KDM2A: variants seen among roughly 807,000 people sequenced by gnomAD.
KDM2A encodes the protein lysine demethylase 2A.
Under a neutral mutation model 137.3 loss-of-function variants are expected in KDM2A, and 3 were observed. That is an observed-to-expected ratio of 0.02 (90% CI 0.01 to 0.06). The LOEUF is 0.06. KDM2A is among the 10% of genes least tolerant of loss of function. The probability of loss-of-function intolerance (pLI) is 1.00; values close to 1 mark genes in which losing one functional copy is unlikely to be tolerated. For synonymous variants in KDM2A, 512 were observed against 541.5 expected (o/e 0.95, Z 0.76); for missense variants, 738 against 1,510.6 (o/e 0.49, Z 8.48).
intron 2 of KDM2A, among the ~76,000 whole-genome samples, chr11:67,133,238 T>C (rs750873285): frequency 5.9e-5 from 9 of 152,140 alleles, no homozygotes; most frequent in Non-Finnish European, 1.0e-4. Flanking sequence ...TAGCTGGGAT[T>C]ACAGGCGTGC....
intron 11 of KDM2A, among the ~76,000 whole-genome samples, chr11:67,230,646 TAA>T (rs577660484): frequency 7.3e-6 from 1 of 136,624 alleles, no homozygotes. Flanking sequence ...AACCACAACA[TAA>T]AAAAAAAAAA....
intron 12 of KDM2A, among the ~76,000 whole-genome samples, chr11:67,239,718 A>G (rs574983888): frequency 1.3e-5 from 2 of 152,268 alleles, no homozygotes; most frequent in Admixed American, 1.3e-4. Context: ...CCCTGAGGGG[A>G]AGGGTGTGGA....
chr11:67,124,283 T>C (rs1456053811), intron 2 of KDM2A, among the ~76,000 whole-genome samples: 2 of 151,942 alleles, frequency 1.3e-5, no homozygotes, highest in Admixed American at 1.3e-4. Context: ...GGATTACAGG[T>C]GTGAGCCACC....
intron 5 of KDM2A, among the ~76,000 whole-genome samples, chr11:67,192,881 C>T (rs1857390845): frequency 6.6e-6 from 1 of 152,162 alleles, no homozygotes; most frequent in Non-Finnish European, 1.5e-5. Context: ...AATTCCTCTC[C>T]AAAGTGATTG....
At chr11:67,194,564 A>T (rs988274476) in intron 5 of KDM2A, among the ~76,000 whole-genome samples, 2 of 152,228 alleles carry the variant, frequency 1.3e-5, no homozygotes, top group Non-Finnish European at 2.9e-5. Flanking sequence ...AAAAAACACC[A>T]CAAAAGCAAT....
chr11:67,128,184 C>A (rs763956183), intron 2 of KDM2A, among the ~76,000 whole-genome samples: 1 of 151,622 alleles, frequency 6.6e-6, no homozygotes, highest in African/African-American at 2.4e-5. Flanking sequence ...TAAATTCTTT[C>A]TAGAGACAGG....
chr11:67,157,237 C>G (rs1056415810), intron 2 of KDM2A, among the ~76,000 whole-genome samples: 8 of 143,608 alleles, frequency 5.6e-5, no homozygotes, highest in African/African-American at 1.8e-4. Flanking sequence ...GGCATGAACC[C>G]GGGAGGCGGA....
At chr11:67,151,468 C>A (rs903594723) in intron 2 of KDM2A, among the ~76,000 whole-genome samples, 2 of 152,052 alleles carry the variant, frequency 1.3e-5, no homozygotes, top group Admixed American at 6.6e-5. Flanking sequence ...GCACCTTCCG[C>A]CTCCCGAATA....
At chr11:67,203,279 T>C (rs1367310795) in intron 5 of KDM2A, among the ~76,000 whole-genome samples, 3 of 151,770 alleles carry the variant, frequency 2.0e-5, no homozygotes, top group Non-Finnish European at 4.4e-5. Context: ...TGTAAATATA[T>C]GCACTGTGAA....
intron 2 of KDM2A, among the ~76,000 whole-genome samples, chr11:67,128,926 G>T (rs546614970): frequency 1.3e-5 from 2 of 152,226 alleles, no homozygotes; most frequent in African/African-American, 4.8e-5. Context: ...AGCCACTAGA[G>T]TGGAGGAGGG....
chr11:67,122,136 C>T (rs2136274673), intron 2 of KDM2A, among the ~76,000 whole-genome samples: 1 of 152,204 alleles, frequency 6.6e-6, no homozygotes, highest in Middle Eastern at 3.4e-3. Flanking sequence ...GAAGAGTGGG[C>T]TATGAGGAAA....
At chr11:67,226,824 A>G (rs1858561643) in intron 10 of KDM2A, among the ~76,000 whole-genome samples, 1 of 152,190 alleles carries the variant, frequency 6.6e-6, no homozygotes, top group East Asian at 1.9e-4. Flanking sequence ...ATTTTCTAAA[A>G]GGGAAATGGG....
Position 67,250,133 on chromosome 11 carries a change from C to T in KDM2A, c.2103C>T (p.Val701=), listed in dbSNP as rs1590829134. The part of the protein sequence containing the change: ...ESDEEAVQAK[V]LRPLRSCDEP... ...ACGAAGAAGCTGTGCAAGCCAAAGT[C>T]CTGCGGCCCCTGCGGAGCTGCGATG... Residue 701 remains valine, a synonymous_variant, in exon 17 of 21, where the codon GTC becomes GTT. Coordinates refer to ENST00000529006, the MANE Select transcript of KDM2A (RefSeq NM_012308.3). This position sits in a 1 kb window ranked among gnomAD's most constrained non-coding sequence, Gnocchi z 7.1. 6.2e-7 allele frequency: 1 copy of T among 1,610,968 alleles called. No individual in the cohort carries two copies. The highest frequency in any genetic ancestry group is 8.5e-7 in the Non-Finnish European group (1 of 1,178,426).
chr11:67,200,506 C>T (rs1179902681), intron 5 of KDM2A, among the ~76,000 whole-genome samples: 2 of 152,120 alleles, frequency 1.3e-5, no homozygotes, highest in Middle Eastern at 3.4e-3. Flanking sequence ...CGTGAGCGAC[C>T]GTGCCCAGCC....
At chr11:67,166,444 C>CTT (rs1467444404) in intron 2 of KDM2A, among the ~76,000 whole-genome samples, 1 of 152,052 alleles carries the variant, frequency 6.6e-6, no homozygotes, top group African/African-American at 2.4e-5. Flanking sequence ...CCTTGGCCTC[C>CTT]TAAAGTGTTA....
At chr11:67,179,511 C>T (rs1047916273) in intron 2 of KDM2A, among the ~76,000 whole-genome samples, 2 of 152,178 alleles carry the variant, frequency 1.3e-5, no homozygotes, top group East Asian at 3.8e-4. Context: ...AACTCCCGAC[C>T]TCAGGTGATC....
At chr11:67,215,501 G>A in intron 7 of KDM2A, 55 bp downstream of exon 7, 1 of 1,125,748 alleles carries the variant, frequency 8.9e-7, no homozygotes, top group Non-Finnish European at 1.3e-6. Context: ...CAAAGCAATA[G>A]CAAGGATTGG....
At chr11:67,220,950 C>T (rs1858326608) in intron 10 of KDM2A, among the ~76,000 whole-genome samples, 1 of 150,050 alleles carries the variant, frequency 6.7e-6, no homozygotes, top group African/African-American at 2.5e-5. Flanking sequence ...TGTTCATGCA[C>T]GTATGTGAAA....
intron 16 of KDM2A, among the ~76,000 whole-genome samples, chr11:67,248,938 A>G (rs972381111): frequency 2.0e-5 from 3 of 152,228 alleles, no homozygotes; most frequent in East Asian, 1.9e-4. Flanking sequence ...GTGGTTGCCA[A>G]TAATGTCAAA....
Sources: gnomAD v4.1 joint callset for allele counts (sites outside exome capture counted in the v4.1 genomes callset) on GRCh38, gnomAD v4.1.1 for gene constraint, Gnocchi (gnomAD v3.1) non-coding constraint, MANE v1.5 for transcripts, NCBI Gene and HGNC (gene_info 2026-07-23, HGNC 2026-07-21) for gene names.